Variants in TMC1 observed in about 807,000 individuals in gnomAD.
The protein encoded by TMC1 is transmembrane channel like 1.
Under a neutral mutation model 105.8 loss-of-function variants are expected in TMC1, and 84 were observed. That is an observed-to-expected ratio of 0.79 (90% confidence interval 0.67 to 0.95). The LOEUF is 0.95. Ranked by LOEUF, TMC1 falls within the 40% of genes least tolerant of loss-of-function variation. The pLI is 0.00. For synonymous variants in TMC1, 315 were observed against 311.5 expected (o/e 1.01, Z -0.12); for missense variants, 817 against 914.1 (o/e 0.89, Z 1.37).
chr9:72,751,919 T>C lies in TMC1; in HGVS notation c.605T>C (p.Leu202Pro), dbSNP rs780348810. Residue 202 changes from leucine to proline, a missense_variant, in exon 11 of 24, where the codon CTC becomes CCC. Leu to Pro is a moderately conservative substitution (Grantham distance 98). Transcript: ENST00000297784. ...TGGATGTATGGAGTCAATATGGTTC[T>C]CTTTATCCTGACATTTAGCCTCATC... The part of the protein sequence containing the change: ...LRWMYGVNMV[L>P]FILTFSLIML... 11 of 1,613,490 alleles carry C rather than the reference T, an allele frequency of 6.8e-6. No homozygotes were observed. The highest frequency in any genetic ancestry group is 1.1e-5 in the South Asian group (1 of 91,074).
chr9:72,792,326 C>G lies in TMC1; in HGVS notation c.1540C>G (p.Pro514Ala). Residue 514 changes from proline (P) to alanine (A), a missense_variant, in exon 17 of 24, where the codon CCT becomes GCT. Physicochemically the swap from Pro to Ala is conservative, Grantham distance 27 (BLOSUM62 -1). Transcript: ENST00000297784. ...TCACCCTGCAGATGTACCTCGAGGA[C>G]CTTGCTGGGAAACAATGGTGGGACA... The part of the protein sequence containing the change: ...FVHPADVPRG[P>A]CWETMVGQEF... 1 of 1,614,104 alleles carries G rather than the reference C, an allele frequency of 6.2e-7. No homozygotes were observed. Among genetic ancestry groups the G allele is most frequent in the South Asian group, 1.1e-5 (1 of 91,088 alleles).
intron 2 of TMC1, among the ~76,000 whole-genome samples, chr9:72,579,953 G>A (rs1247387767): frequency 2.6e-5 from 4 of 152,072 alleles, no homozygotes; most frequent in African/African-American, 9.7e-5. Flanking sequence ...AGAAAAGAAT[G>A]AGGAAAACAA....
intron 2 of TMC1, among the ~76,000 whole-genome samples, chr9:72,610,268 GAATC>G (rs1825002378): frequency 6.6e-6 from 1 of 152,128 alleles, no homozygotes; most frequent in South Asian, 2.1e-4. Context: ...AAGAGAAACA[GAATC>G]AATAAAGTAT....
At chr9:72,668,547 T>C (rs998602248) in intron 5 of TMC1, among the ~76,000 whole-genome samples, 27 of 152,192 alleles carry the variant, frequency 1.8e-4, no homozygotes, top group African/African-American at 6.3e-4. Context: ...TCCAACTGAG[T>C]TCCCTTAATT....
intron 21 of TMC1, among the ~76,000 whole-genome samples, chr9:72,828,057 G>T (rs1293710864): frequency 6.6e-6 from 1 of 152,162 alleles, no homozygotes; most frequent in Non-Finnish European, 1.5e-5. Flanking sequence ...GAGTAAAATG[G>T]TCATAGAAGG....
At position 72,806,437 on chromosome 9, in the gene TMC1, G is replaced by T. The variant is rs545897149; in HGVS notation, c.1695+927G>T. ...CTCCCTCCCGGACGGGGTGGCTGCC[G>T]GGCGGAGACGCTCCTCAGTTCCCAG... On this transcript the variant is annotated intron_variant, in intron 18 of 23. Transcript: ENST00000297784. 1.8e-4 allele frequency among the ~76,000 whole-genome samples: 27 copies of T among 150,356 alleles called. No individual in the cohort carries two copies. In the East Asian group the frequency reaches 4.6e-3, roughly 25 times the overall value.
chr9:72,794,142 C>T (rs1181284016), intron 17 of TMC1, among the ~76,000 whole-genome samples: 1 of 152,116 alleles, frequency 6.6e-6, no homozygotes, highest in Non-Finnish European at 1.5e-5. Context: ...ATAGAACATC[C>T]ATCCTGGGCT....
chr9:72,653,644 C>T (rs1825845279), intron 5 of TMC1, among the ~76,000 whole-genome samples: 1 of 152,152 alleles, frequency 6.6e-6, no homozygotes, highest in African/African-American at 2.4e-5. Context: ...ATACTATATA[C>T]ATTTAAAATG....
intron 1 of TMC1, among the ~76,000 whole-genome samples, chr9:72,551,280 A>G (rs1564404573): frequency 6.6e-6 from 1 of 152,228 alleles, no homozygotes; most frequent in Non-Finnish European, 1.5e-5. Flanking sequence ...GTAATTTGTT[A>G]CAGCAATAGG....
chr9:72,749,880 G>C (rs1194263405), intron 10 of TMC1, among the ~76,000 whole-genome samples: 1 of 151,978 alleles, frequency 6.6e-6, no homozygotes, highest in Admixed American at 6.6e-5. Context: ...AGGCTGAGGC[G>C]GGTGGATCAC....
chr9:72,697,465 A>G (rs2117854440), intron 7 of TMC1, among the ~76,000 whole-genome samples: 1 of 152,264 alleles, frequency 6.6e-6, no homozygotes, highest in African/African-American at 2.4e-5. Flanking sequence ...CAGAGAAGTG[A>G]AAACTGTTCT....
chr9:72,784,346 A>C (rs2118164507), intron 13 of TMC1, among the ~76,000 whole-genome samples: 1 of 152,346 alleles, frequency 6.6e-6, no homozygotes, highest in African/African-American at 2.4e-5. Context: ...ACTAATCATT[A>C]GAGAAATGCA....
intron 3 of TMC1, among the ~76,000 whole-genome samples, chr9:72,625,681 C>G (rs1025491675): frequency 7.4e-6 from 1 of 135,582 alleles, no homozygotes; most frequent in Non-Finnish European, 1.5e-5. Flanking sequence ...GAGCGAGACT[C>G]TGTCTCAAAA....
At chr9:72,701,518 A>C (rs1307449047) in intron 8 of TMC1, among the ~76,000 whole-genome samples, 1 of 152,214 alleles carries the variant, frequency 6.6e-6, no homozygotes, top group Admixed American at 6.5e-5. Flanking sequence ...GCATTCTTCC[A>C]TAAATCATTT....
In TMC1 at chr9:72,585,377, C is replaced by T. The variant is rs186644001; in HGVS notation, c.-306+7354C>T. 8.8e-3 allele frequency among the ~76,000 whole-genome samples: 1,337 copies of T among 151,456 alleles called. 14 individuals are homozygous for T. The highest frequency in any genetic ancestry group is 0.062 in the Middle Eastern group (18 of 288). ...GTGTTAGCCAGGATGGTCTCAATCTCCTGACCTCGTGATCTGCCCGCCTCA... is the reference window on the plus strand; with the variant it reads ...GTGTTAGCCAGGATGGTCTCAATCTTCTGACCTCGTGATCTGCCCGCCTCA... On this transcript the variant is annotated intron_variant, in intron 2 of 23. Coordinates refer to ENST00000297784, the MANE Select transcript of TMC1 (RefSeq NM_138691.3).
intron 13 of TMC1, among the ~76,000 whole-genome samples, chr9:72,783,920 C>T (rs1454878109): frequency 2.0e-5 from 3 of 152,160 alleles, no homozygotes; most frequent in South Asian, 2.1e-4. Flanking sequence ...AATGTAAAAT[C>T]GAAAACTATA....
At chr9:72,568,013 A>G (rs1316380008) in intron 1 of TMC1, among the ~76,000 whole-genome samples, 1 of 151,982 alleles carries the variant, frequency 6.6e-6, no homozygotes, top group Non-Finnish European at 1.5e-5. Flanking sequence ...TTGGGACTGA[A>G]AGCCTGGGAC....
intron 13 of TMC1, among the ~76,000 whole-genome samples, 169 bp from the exon 14 acceptor site, chr9:72,788,170 A>G (rs1216106085): frequency 6.6e-6 from 1 of 152,206 alleles, no homozygotes; most frequent in Non-Finnish European, 1.5e-5. Flanking sequence ...CAACTGAACA[A>G]AAATAAAATT....
At chr9:72,559,479 T>A (rs1197695086) in intron 1 of TMC1, among the ~76,000 whole-genome samples, 2 of 152,136 alleles carry the variant, frequency 1.3e-5, no homozygotes, top group African/African-American at 4.8e-5. Context: ...AAACAAACTC[T>A]AGTGTCACCT....
Sources: allele counts gnomAD v4.1 joint callset (sites outside exome capture counted in the v4.1 genomes callset), GRCh38; gene constraint gnomAD v4.1.1; transcripts MANE v1.5; gene names NCBI Gene and HGNC (gene_info 2026-07-23, HGNC 2026-07-21).